PTPRT: variants seen among roughly 807,000 people sequenced by gnomAD.
PTPRT encodes the protein receptor-type tyrosine-protein phosphatase T.
Under a neutral mutation model 176.8 loss-of-function variants are expected in PTPRT, and 56 were observed. The ratio of observed to expected loss-of-function variants is 0.32; its 90% CI spans 0.26 to 0.40. The LOEUF (loss-of-function observed/expected upper bound fraction) is 0.40, where lower values mean the gene tolerates loss of function less well. Ranked by LOEUF, PTPRT falls within the 10% of genes least tolerant of loss-of-function variation. The pLI, the probability that PTPRT is intolerant of heterozygous loss-of-function variation, is 1.00. For missense variants in PTPRT, 1,540 were observed against 1,908.2 expected (o/e 0.81, Z 3.60); for synonymous variants, 783 against 739.0 (o/e 1.06, Z -0.96).
At chr20:43,015,529 G>A (rs1985324950) in intron 1 of PTPRT, among the ~76,000 whole-genome samples, 1 of 152,210 alleles carries the variant, frequency 6.6e-6, no homozygotes, top group Non-Finnish European at 1.5e-5. Context: ...AGATCCCAAA[G>A]GGGACACTTG....
At chr20:42,493,088 C>T (rs1568926808) in intron 7 of PTPRT, among the ~76,000 whole-genome samples, 1 of 152,122 alleles carries the variant, frequency 6.6e-6, no homozygotes, top group South Asian at 2.1e-4. Flanking sequence ...TACCTAACTG[C>T]CTCATGTAAA....
chr20:43,063,311 A>G (rs540229933), intron 1 of PTPRT: 1 of 152,334 alleles, frequency 6.6e-6, no homozygotes, highest in Admixed American at 6.5e-5. Context: ...TTAGTCATCC[A>G]AAGAGCCAAC....
intron 7 of PTPRT, among the ~76,000 whole-genome samples, chr20:42,627,547 C>T (rs1041452552): frequency 3.9e-5 from 6 of 152,114 alleles, no homozygotes; most frequent in African/African-American, 1.2e-4. Context: ...ACTGGGGTTA[C>T]AGGCATGAGC....
chr20:42,739,782 A>C (rs1478636262), intron 6 of PTPRT, among the ~76,000 whole-genome samples: 1 of 152,230 alleles, frequency 6.6e-6, no homozygotes, highest in Non-Finnish European at 1.5e-5. Flanking sequence ...CACAAACTAC[A>C]CACCACAACC....
chr20:43,046,037 GA>G (rs2146222437), intron 1 of PTPRT, among the ~76,000 whole-genome samples: 1 of 151,976 alleles, frequency 6.6e-6, no homozygotes, highest in East Asian at 1.9e-4. Context: ...ACAGGGGAGG[GA>G]TAAGAGGTGA....
At chr20:42,730,245 T>C (rs2076440478) in intron 6 of PTPRT, among the ~76,000 whole-genome samples, 1 of 152,100 alleles carries the variant, frequency 6.6e-6, no homozygotes, top group Admixed American at 6.6e-5. Context: ...CTCTGATAGA[T>C]GGTAGAAGTT....
At chr20:42,731,896 A>G (rs2076466182) in intron 6 of PTPRT, among the ~76,000 whole-genome samples, 1 of 152,188 alleles carries the variant, frequency 6.6e-6, no homozygotes, top group South Asian at 2.1e-4. Context: ...CCTACTCTTT[A>G]AATGGCTGAC....
intron 16 of PTPRT, among the ~76,000 whole-genome samples, chr20:42,174,067 A>T (rs759249433): frequency 2.0e-5 from 3 of 152,194 alleles, no homozygotes; most frequent in Non-Finnish European, 4.4e-5. Flanking sequence ...AAGAGAATGA[A>T]GTATATTAAA....
At chr20:42,618,166 C>T (rs545308709) in intron 7 of PTPRT, among the ~76,000 whole-genome samples, 1 of 128,092 alleles carries the variant, frequency 7.8e-6, no homozygotes. Flanking sequence ...TTTCAAAGAA[C>T]ATCTTTATTT....
chr20:42,361,732 C>T (rs75294870), intron 9 of PTPRT, among the ~76,000 whole-genome samples: 2,849 of 152,268 alleles, frequency 0.019, 84 homozygotes, highest in African/African-American at 0.065. Context: ...GCTCTCTGGT[C>T]ACCCCTGGTC....
intron 14 of PTPRT, among the ~76,000 whole-genome samples, chr20:42,236,720 T>C (rs1200961961): frequency 3.9e-5 from 6 of 151,958 alleles, no homozygotes; most frequent in African/African-American, 1.5e-4. Context: ...ACACCAAACT[T>C]CTTCTGTCTC....
intron 1 of PTPRT, among the ~76,000 whole-genome samples, chr20:43,171,266 G>C (rs924880492): frequency 3.9e-5 from 6 of 152,270 alleles, no homozygotes; most frequent in Non-Finnish European, 8.8e-5. Context: ...TTCGATTCAA[G>C]ATTAAAATTG....
intron 7 of PTPRT, among the ~76,000 whole-genome samples, chr20:42,612,080 C>T (rs2073984919): frequency 6.6e-6 from 1 of 152,096 alleles, no homozygotes; most frequent in Admixed American, 6.5e-5. Flanking sequence ...TCAGCACCTG[C>T]TGGACCCACC....
intron 7 of PTPRT, among the ~76,000 whole-genome samples, chr20:42,507,612 G>A (rs1417078534): frequency 1.3e-5 from 2 of 152,122 alleles, no homozygotes; most frequent in African/African-American, 4.8e-5. Flanking sequence ...TACATGAAAT[G>A]TACAGCACAA....
intron 6 of PTPRT, among the ~76,000 whole-genome samples, chr20:42,708,215 G>T (rs1477005563): frequency 4.6e-5 from 7 of 152,144 alleles, no homozygotes; most frequent in African/African-American, 1.7e-4. Flanking sequence ...GTACTAGGGT[G>T]ACAGGATTAT....
At chr20:42,446,580 ATGTGTGTGTGTGTGTGTGTGTG>A (rs372328206) in intron 9 of PTPRT, among the ~76,000 whole-genome samples, 4 of 139,476 alleles carry the variant, frequency 2.9e-5, no homozygotes, top group Non-Finnish European at 6.1e-5. Context: ...TTTCATGTAA[ATGTGTGTGTGTGTGTGTGTGTG>A]TGTGTGTGTG....
intron 6 of PTPRT, among the ~76,000 whole-genome samples, chr20:42,697,951 G>C (rs1195234308): frequency 6.6e-6 from 1 of 152,132 alleles, no homozygotes; most frequent in East Asian, 1.9e-4. Context: ...ATATAACAAA[G>C]AACACACAGG....
At chr20:42,887,883 A>C (rs1242924156) in intron 1 of PTPRT, among the ~76,000 whole-genome samples, 1 of 152,184 alleles carries the variant, frequency 6.6e-6, no homozygotes, top group Non-Finnish European at 1.5e-5. Context: ...AGATGCTTCC[A>C]AAGGACTGTG....
At chr20:43,002,048 G>A (rs1436343590) in intron 1 of PTPRT, among the ~76,000 whole-genome samples, 2 of 152,150 alleles carry the variant, frequency 1.3e-5, no homozygotes, top group Non-Finnish European at 2.9e-5. Flanking sequence ...CTTCCCCCAC[G>A]CGGTTCTCGT....
Sources: gnomAD v4.1 joint callset for allele counts (sites outside exome capture counted in the v4.1 genomes callset) on GRCh38, gnomAD v4.1.1 for gene constraint, MANE v1.5 for transcripts, NCBI Gene and HGNC (gene_info 2026-07-23, HGNC 2026-07-21) for gene names.